Variants in G2E3 observed in about 807,000 individuals in gnomAD.
G2E3 encodes G2/M phase-specific E3 ubiquitin-protein ligase.
A neutral mutation model predicts 92.8 loss-of-function variants in G2E3; 35 were observed. The ratio of observed to expected loss-of-function variants is 0.38; its 90% CI spans 0.29 to 0.50. G2E3 has a LOEUF of 0.50. Ranked by LOEUF, G2E3 falls within the 20% of genes least tolerant of loss-of-function variation. G2E3 has a pLI of 0.94. For synonymous variants in G2E3, 242 were observed against 272.4 expected (o/e 0.89, Z 1.10); for missense variants, 554 against 823.8 (o/e 0.67, Z 4.01).
Position 30,606,836 on chromosome 14 carries a change from A to T in G2E3, c.1318+1024A>T, listed in dbSNP as rs73264361. 3.3e-3 allele frequency among the ~76,000 whole-genome samples: 505 copies of T among 152,278 alleles called. 3 individuals carry two copies. The highest frequency in any genetic ancestry group is 0.012 in the African/African-American group (492 of 41,582). On this transcript the variant is annotated intron_variant, in intron 11 of 14. Transcript: ENST00000206595. ...TTTGGCACATCAAAGTTGCTAATAC[A>T]TTTGAAATGACAATTTTAATTCAAG...
chr14:30,608,078 T>C lies in G2E3; in HGVS notation c.1500+9T>C, dbSNP rs750705822. 6.6e-7 allele frequency: 1 copy of C among 1,506,858 alleles called. No homozygotes were observed. The highest frequency in any genetic ancestry group is 8.9e-7 in the Non-Finnish European group (1 of 1,118,884). 93.3% of individuals were successfully genotyped at this position (1,506,858 alleles called of 1,614,324 possible). A position where few individuals can be genotyped will look rare whatever the true frequency, so the allele number is the denominator to read the frequency against. On this transcript the variant is annotated intron_variant, in intron 12 of 14. Coordinates refer to ENST00000206595, the MANE Select transcript of G2E3 (RefSeq NM_017769.5). ...CACAGATTATAATCAGGGTAAGCAA[T>C]GTATCTGTTTATTAAAATGCACACT...
chr14:30,590,016 T>C (rs1270802428), intron 4 of G2E3, among the ~76,000 whole-genome samples: 4 of 152,168 alleles, frequency 2.6e-5, no homozygotes, highest in African/African-American at 9.6e-5. Context: ...AGGATAGGCA[T>C]TCTAAACTTT....
rs1470887577 is a variant in G2E3, at chr14:30,619,486, G to A, written c.*2952G>A. On this transcript the variant is annotated 3_prime_UTR_variant, in exon 15 of 15. Transcript: ENST00000206595. The stretch of plus-strand genomic sequence containing the variant: ...GTACTGCATTGTTACTTTAAAATAA[G>A]CTATTAAACTAGTTTTTATGGTTCA... 6 of 152,044 alleles carry A rather than the reference G, an allele frequency of 3.9e-5. No individual in the cohort carries two copies. The highest frequency in any genetic ancestry group is 4.4e-5 in the Non-Finnish European group (3 of 67,946). The allele number at this position is 152,044 out of a possible 1,614,324, so 9.4% of individuals were successfully genotyped here. A position where few individuals can be genotyped will look rare whatever the true frequency, so the allele number is the denominator to read the frequency against.
At chr14:30,610,487 G>A (rs571856749) in intron 12 of G2E3, among the ~76,000 whole-genome samples, 10 of 152,190 alleles carry the variant, frequency 6.6e-5, no homozygotes, top group Admixed American at 2.6e-4. Context: ...GTGGTGGCGC[G>A]CGCCTATAGT....
chr14:30,606,961 C>T (rs1455671711), intron 11 of G2E3, among the ~76,000 whole-genome samples: 3 of 152,038 alleles, frequency 2.0e-5, no homozygotes, highest in Non-Finnish European at 4.4e-5. Context: ...AAAAATGTTC[C>T]TATCCTTTGA....
At chr14:30,575,998 C>G (rs1375843216) in intron 1 of G2E3, among the ~76,000 whole-genome samples, 2 of 152,140 alleles carry the variant, frequency 1.3e-5, no homozygotes, top group Middle Eastern at 3.2e-3. Context: ...CAACATTCTT[C>G]ACAAAACTAG....
intron 1 of G2E3, among the ~76,000 whole-genome samples, chr14:30,576,447 G>C (rs1880095592): frequency 6.6e-6 from 1 of 152,104 alleles, no homozygotes; most frequent in Admixed American, 6.5e-5. Flanking sequence ...TATCATCCTG[G>C]ACATAAGAAT....
Position 30,601,988 on chromosome 14 carries a change from T to G in G2E3, c.878-11T>G. 6.2e-7 allele frequency: 1 copy of G among 1,608,178 alleles called. No individual in the cohort carries two copies. The highest frequency in any genetic ancestry group is 8.5e-7 in the Non-Finnish European group (1 of 1,177,166). On this transcript the variant is annotated splice_polypyrimidine_tract_variant and intron_variant, in intron 9 of 14. Coordinates refer to ENST00000206595, the MANE Select transcript of G2E3 (RefSeq NM_017769.5). ...TCTCTATTATGCTAACATGGAAATT[T>G]AAATCTGTAGGAGAGTTCCAAAAAG...
At chr14:30,573,124 T>C (rs1332322266) in intron 1 of G2E3, among the ~76,000 whole-genome samples, 1 of 152,120 alleles carries the variant, frequency 6.6e-6, no homozygotes, top group East Asian at 1.9e-4. Flanking sequence ...CATAACACTG[T>C]GCCTGGCTTT....
intron 6 of G2E3, among the ~76,000 whole-genome samples, chr14:30,597,053 A>G (rs1472853998): frequency 6.6e-6 from 1 of 152,246 alleles, no homozygotes; most frequent in East Asian, 1.9e-4. Context: ...TTTTTATGTA[A>G]CATTTAAACC....
intron 1 of G2E3, chr14:30,573,577 G>A (rs1249510096): frequency 6.6e-6 from 1 of 152,090 alleles, no homozygotes; most frequent in Non-Finnish European, 1.5e-5. Flanking sequence ...CCGCAGTGTA[G>A]TTTGAATGTC....
chr14:30,608,839 A>AG (rs1881955760), intron 12 of G2E3, among the ~76,000 whole-genome samples: 1 of 152,228 alleles, frequency 6.6e-6, no homozygotes, highest in Admixed American at 6.5e-5. Flanking sequence ...GGCCTTAGCC[A>AG]GGCGTGGTGG....
At chr14:30,582,803 A>G (rs1880506665) in intron 2 of G2E3, among the ~76,000 whole-genome samples, 1 of 152,216 alleles carries the variant, frequency 6.6e-6, no homozygotes, top group African/African-American at 2.4e-5. Context: ...GTTATGACTT[A>G]TCCCTTTAAA....
rs918729410 is a variant in G2E3, at chr14:30,619,850, A to G, written c.*3316A>G. ...TTATGCCACTAAAGGTAAACTGCCT[A>G]TTTAAACTAAGTAATTTTTTGGGAT... On this transcript the variant is annotated 3_prime_UTR_variant, in exon 15 of 15. Coordinates refer to ENST00000206595, the MANE Select transcript of G2E3 (RefSeq NM_017769.5). The G allele has an allele frequency of 6.6e-6, 1 of 152,192 alleles. No homozygotes were observed. The highest frequency in any genetic ancestry group is 2.1e-4 in the South Asian group (1 of 4,832). The allele number at this position is 152,192 out of a possible 1,614,324, so 9.4% of individuals were successfully genotyped here.
chr14:30,592,473 A>G, intron 5 of G2E3, 26 bp downstream of exon 5: 1 of 1,521,106 alleles, frequency 6.6e-7, no homozygotes, highest in South Asian at 1.3e-5. Context: ...GTTAAATATG[A>G]AAGTTCAGTG....
chr14:30,561,333 T>A (rs187036241), intron 1 of G2E3, among the ~76,000 whole-genome samples: 2,950 of 152,328 alleles, frequency 0.019, 53 homozygotes, highest in Middle Eastern at 0.034. Flanking sequence ...TATGCTTTTT[T>A]AAAAAAGTAA....
intron 1 of G2E3, among the ~76,000 whole-genome samples, chr14:30,579,183 GAC>G (rs1880289606): frequency 6.6e-6 from 1 of 152,098 alleles, no homozygotes; most frequent in Non-Finnish European, 1.5e-5. Context: ...AAATCCAAGA[GAC>G]AATAAAGGAG....
intron 10 of G2E3, 121 bp downstream of exon 10, chr14:30,602,252 C>T: frequency 1.5e-6 from 1 of 687,308 alleles, no homozygotes; most frequent in Non-Finnish European, 2.4e-6. Flanking sequence ...TGTTTTTCAG[C>T]CTTCAGGACC....
At chr14:30,595,157 A>T (rs1339895704) in intron 6 of G2E3, among the ~76,000 whole-genome samples, 1 of 152,116 alleles carries the variant, frequency 6.6e-6, no homozygotes, top group Non-Finnish European at 1.5e-5. Context: ...TGCAGGATGA[A>T]GCCTGTTTTG....
Sources: allele counts gnomAD v4.1 joint callset (sites outside exome capture counted in the v4.1 genomes callset), GRCh38; gene constraint gnomAD v4.1.1; transcripts MANE v1.5; gene names NCBI Gene and HGNC (gene_info 2026-07-23, HGNC 2026-07-21).